The following TSHR variants were observed in gnomAD, a reference collection of about 807,000 sequenced individuals.
The protein encoded by TSHR is thyrotropin receptor.
TSHR carries 51 observed loss-of-function variants against 64.1 expected under a neutral mutation model. The ratio of observed to expected loss-of-function variants is 0.80; its 90% CI spans 0.64 to 1.01. The LOEUF is 1.01. Ranked by LOEUF, TSHR falls within the 50% of genes least tolerant of loss-of-function variation. The pLI is 0.00. For missense variants in TSHR, 877 were observed against 942.8 expected, an observed-to-expected ratio of 0.93 and a Z score of 0.91; for synonymous variants, 361 against 361.9, an observed-to-expected ratio of 1.00 and a Z score of 0.03.
chr14:81,093,910 T>A (rs932712176), intron 6 of TSHR, among the ~76,000 whole-genome samples: 1 of 152,164 alleles, frequency 6.6e-6, no homozygotes, highest in African/African-American at 2.4e-5. Flanking sequence ...ATGCTAAACT[T>A]CTTTATAGAA....
chr14:81,118,846 C>T (rs1263464031), intron 8 of TSHR, among the ~76,000 whole-genome samples: 5 of 150,442 alleles, frequency 3.3e-5, no homozygotes, highest in African/African-American at 1.2e-4. Context: ...ATCAATGGAA[C>T]AGAACAGAGC....
At chr14:81,010,244 A>G (rs1471990402) in intron 1 of TSHR, among the ~76,000 whole-genome samples, 2 of 152,156 alleles carry the variant, frequency 1.3e-5, no homozygotes, top group Admixed American at 6.6e-5. Flanking sequence ...ACTAGTAAAT[A>G]TCTCTTCCCA....
chr14:81,113,562 T>C (rs952062514), intron 8 of TSHR, among the ~76,000 whole-genome samples: 72 of 150,942 alleles, frequency 4.8e-4, no homozygotes, highest in African/African-American at 1.7e-3. Context: ...CCCACCAATG[T>C]GATTTCCCTG....
chr14:81,021,991 G>A (rs545198106), intron 1 of TSHR, among the ~76,000 whole-genome samples: 9 of 152,144 alleles, frequency 5.9e-5, no homozygotes, highest in East Asian at 1.9e-4. Flanking sequence ...GGCCGCGTGC[G>A]GTGGCTCACG....
chr14:81,009,021 ACCC>A (rs1889767574), intron 1 of TSHR, among the ~76,000 whole-genome samples: 1 of 152,200 alleles, frequency 6.6e-6, no homozygotes, highest in Non-Finnish European at 1.5e-5. Flanking sequence ...TTGTCAAAAC[ACCC>A]ACATTTTTAA....
intron 8 of TSHR, among the ~76,000 whole-genome samples, chr14:81,118,710 G>A (rs1012288292): frequency 3.3e-5 from 5 of 152,106 alleles, no homozygotes; most frequent in Non-Finnish European, 5.9e-5. Flanking sequence ...AAAAGAGCCC[G>A]CATCGCCAAG....
intron 1 of TSHR, among the ~76,000 whole-genome samples, chr14:80,985,815 A>G (rs1395832490): frequency 6.6e-6 from 1 of 152,236 alleles, no homozygotes; most frequent in African/African-American, 2.4e-5. Context: ...ACAAAATAGA[A>G]TATATACAAG....
Position 81,070,614 on chromosome 14 carries a change from A to G in TSHR, c.317+2286A>G, listed in dbSNP as rs112562990. ...ACACTCCAGCCTGGGCAACAGAGTA[A>G]GATTCCATCTCAAAAAAAAAAAAAA... On this transcript the variant is annotated intron_variant, in intron 3 of 9. Coordinates refer to ENST00000298171, the MANE Select transcript of TSHR (RefSeq NM_000369.5). 9.1e-3 allele frequency among the ~76,000 whole-genome samples: 1,256 copies of G among 137,866 alleles called. 10 individuals are homozygous for G. Among genetic ancestry groups the G allele is most frequent in the Non-Finnish European group, 0.015 (949 of 64,552 alleles). 90.4% of individuals were successfully genotyped at this position (137,866 alleles called of 152,430 possible).
At chr14:81,106,938 CA>C (rs5810011) in intron 7 of TSHR, 67,380 of 109,062 alleles carry the variant, frequency 0.62, 17,784 homozygotes, top group Middle Eastern at 0.73. Flanking sequence ...GACTCCATCT[CA>C]AAAAAAAAAA....
chr14:81,039,669 G>A (rs1884826318), intron 1 of TSHR, among the ~76,000 whole-genome samples: 2 of 151,724 alleles, frequency 1.3e-5, no homozygotes, highest in South Asian at 4.2e-4. Context: ...GCACTTCTAT[G>A]TGCCAATAAA....
chr14:81,114,598 G>T (rs1351894993), intron 8 of TSHR, among the ~76,000 whole-genome samples: 1 of 152,180 alleles, frequency 6.6e-6, no homozygotes, highest in Admixed American at 6.5e-5. Flanking sequence ...CAGCGAGGCT[G>T]GGGGAGGGGC....
At chr14:81,035,669 T>C (rs1884586764) in intron 1 of TSHR, among the ~76,000 whole-genome samples, 1 of 152,202 alleles carries the variant, frequency 6.6e-6, no homozygotes, top group Non-Finnish European at 1.5e-5. Flanking sequence ...TTTCCATAAT[T>C]GGCTGTTGTA....
rs536165509 is a variant in TSHR at position 81,121,015 on chromosome 14, G to T, written c.692+12563G>T. The stretch of plus-strand genomic sequence containing the variant: ...GCAAAAAAATATGAAATAGAGGAAA[G>T]AAAAAACATGAACATTAGAAATTCA... On this transcript the variant is annotated intron_variant, in intron 8 of 9. Coordinates refer to ENST00000298171, the MANE Select transcript of TSHR (RefSeq NM_000369.5). Among the ~76,000 whole-genome samples the T allele has an allele frequency of 3.6e-4, 54 of 151,722 alleles. 1 individual carries two copies. In the South Asian group the frequency reaches 8.1e-3, roughly 23 times the overall value.
intron 1 of TSHR, among the ~76,000 whole-genome samples, chr14:81,059,061 CAT>C (rs969810834): frequency 5.3e-5 from 8 of 152,134 alleles, no homozygotes; most frequent in Admixed American, 2.0e-4. Context: ...TGCCGGAGCA[CAT>C]GTGTCTGGGG....
chr14:81,107,327 T>C (rs985820051), intron 7 of TSHR, among the ~76,000 whole-genome samples: 5 of 152,334 alleles, frequency 3.3e-5, no homozygotes, highest in Non-Finnish European at 4.4e-5. Flanking sequence ...GTCTCTGCTA[T>C]ATTCTTTTGC....
rs547401261 is a variant in TSHR at position 81,135,752 on chromosome 14, T to C, written c.693-3927T>C. On this transcript the variant is annotated intron_variant, in intron 8 of 9. Coordinates refer to ENST00000298171, the MANE Select transcript of TSHR (RefSeq NM_000369.5). ...GCTTCAAGGCAAGAATCATTCTATT[T>C]GAGATATTTTGAGTGGAGAGGCAGT... Among the ~76,000 whole-genome samples, 6 of 152,276 alleles carry C rather than the reference T, an allele frequency of 3.9e-5. No individual in the cohort carries two copies. In the East Asian group the frequency reaches 1.2e-3, roughly 29 times the overall value.
intron 1 of TSHR, among the ~76,000 whole-genome samples, chr14:81,059,516 G>A (rs144477146): frequency 0.013 from 1,916 of 152,194 alleles, 41 homozygotes; most frequent in African/African-American, 0.044. Flanking sequence ...TATACAACTA[G>A]TTGTCATTCT....
intron 2 of TSHR, among the ~76,000 whole-genome samples, chr14:81,062,874 A>G (rs527722604): frequency 6.6e-6 from 1 of 152,202 alleles, no homozygotes; most frequent in East Asian, 1.9e-4. Flanking sequence ...CAACCTGTAC[A>G]GTTTTTGGCC....
intron 1 of TSHR, among the ~76,000 whole-genome samples, chr14:81,055,521 C>A (rs73351661): frequency 0.026 from 3,999 of 152,242 alleles, 172 homozygotes; most frequent in African/African-American, 0.091. Context: ...CAACACTAGC[C>A]CATGAAAGCA....
Sources: allele counts gnomAD v4.1 joint callset (sites outside exome capture counted in the v4.1 genomes callset), GRCh38; gene constraint gnomAD v4.1.1; transcripts MANE v1.5; gene names NCBI Gene and HGNC (gene_info 2026-07-23, HGNC 2026-07-21).